The following AATF variants were observed in gnomAD, a reference collection of about 807,000 sequenced individuals.
AATF encodes the protein apoptosis antagonizing transcription factor.
AATF carries 48 observed loss-of-function variants against 63.7 expected under a neutral mutation model. The ratio of observed to expected loss-of-function variants is 0.75; its 90% CI spans 0.60 to 0.96. AATF has a LOEUF of 0.96. AATF is among the 40% of genes least tolerant of loss of function. The probability of loss-of-function intolerance (pLI) is 0.00; values close to 1 mark genes in which losing one functional copy is unlikely to be tolerated. For synonymous variants in AATF, 258 were observed against 247.7 expected (o/e 1.04, Z -0.39); for missense variants, 639 against 685.7 (o/e 0.93, Z 0.76).
At position 36,987,869 on chromosome 17, in the gene AATF, T is replaced by C. The variant is rs73284000; in HGVS notation, c.948-650T>C. Among the ~76,000 whole-genome samples, 220 of 152,348 alleles carry C rather than the reference T, an allele frequency of 1.4e-3. 1 individual carries two copies. Among genetic ancestry groups the C allele is most frequent in the African/African-American group, 5.1e-3 (214 of 41,586 alleles). ...GAGGATTAAGGTCGTAGAAATATGG[T>C]TATGTGTTTAATTTTTAAATACTGT... On this transcript the variant is annotated intron_variant, in intron 5 of 11. Transcript: ENST00000619387.
Position 36,950,475 on chromosome 17 carries a change from C to A in AATF, c.283+70C>A, listed in dbSNP as rs569868158. ...TTCAGGGTTAAAATCCTCCGGTCAT[C>A]CCCCATGATCTTTGCAAGAGTAGTC... On this transcript the variant is annotated intron_variant, in intron 2 of 11. Coordinates refer to ENST00000619387, the MANE Select transcript of AATF (RefSeq NM_012138.4). 5 of 1,421,174 alleles carry A rather than the reference C, an allele frequency of 3.5e-6. No individual in the cohort carries two copies. In the African/African-American group the frequency reaches 5.7e-5, roughly 16 times the overall value. The allele number at this position is 1,421,174 out of a possible 1,614,324, so 88.0% of individuals were successfully genotyped here.
chr17:36,986,648 A>G lies in AATF; in HGVS notation c.864A>G (p.Ser288=). 6 of 1,614,176 alleles carry G rather than the reference A, an allele frequency of 3.7e-6. No homozygotes were observed. Among genetic ancestry groups the G allele is most frequent in the Non-Finnish European group, 5.1e-6 (6 of 1,180,016 alleles). ...SHKALKALLR[S]LVGLQEELLF... Reference sequence around the variant, plus strand: ...AGGCACTTAAAGCATTGTTGAGGTCATTGGTAGGTCTTCAGGAAGAGTTGC... The same window carrying G: ...AGGCACTTAAAGCATTGTTGAGGTCGTTGGTAGGTCTTCAGGAAGAGTTGC... The change falls in exon 5 of 12, where the codon TCA becomes TCG. Residue 288 remains serine (S), a synonymous_variant. Coordinates refer to ENST00000619387, the MANE Select transcript of AATF (RefSeq NM_012138.4).
rs1303855554 is a variant in AATF at position 36,989,336 on chromosome 17, G to A, written c.1239G>A (p.Lys413=). ...GATTACTTCGAAGGACACAGACCAA[G>A]CGCTCTGTCTATCGAGTTCTTGGCA... The part of the protein sequence containing the change: ...KERLLRRTQT[K]RSVYRVLGKP... Residue 413 remains lysine, a synonymous_variant, in exon 7 of 12, where the codon AAG becomes AAA. Transcript: ENST00000619387. 1 of 1,614,028 alleles carries A rather than the reference G, an allele frequency of 6.2e-7. No homozygotes were observed. The highest frequency in any genetic ancestry group is 8.5e-7 in the Non-Finnish European group (1 of 1,180,018).
At chr17:37,044,684 A>G (rs1160352567) in intron 11 of AATF, among the ~76,000 whole-genome samples, 1 of 152,118 alleles carries the variant, frequency 6.6e-6, no homozygotes, top group African/African-American at 2.4e-5. Flanking sequence ...TTGCGTCCAG[A>G]GGAATTTCGT....
intron 11 of AATF, chr17:37,055,451 G>T (rs2071790182): frequency 6.6e-6 from 1 of 152,174 alleles, no homozygotes; most frequent in Admixed American, 6.5e-5. Flanking sequence ...AGTTTTTTGT[G>T]TTGAAGCCTT....
chr17:37,002,671 CAA>C (rs1216059829), intron 8 of AATF, among the ~76,000 whole-genome samples: 3 of 122,196 alleles, frequency 2.5e-5, no homozygotes, highest in African/African-American at 3.0e-5. Flanking sequence ...GACTCCATCT[CAA>C]AAAAAAAAAA....
chr17:37,050,977 G>A (rs1439391519), intron 11 of AATF, among the ~76,000 whole-genome samples: 1 of 152,202 alleles, frequency 6.6e-6, no homozygotes, highest in Non-Finnish European at 1.5e-5. Flanking sequence ...GTCTCACTGT[G>A]TTGCTCAGGC....
intron 11 of AATF, chr17:37,055,419 G>A (rs934183996): frequency 6.6e-5 from 10 of 151,882 alleles, no homozygotes; most frequent in Non-Finnish European, 1.3e-4. Flanking sequence ...CTATAGTAGG[G>A]TGACTTCAAA....
At chr17:37,043,380 T>A (rs1049367276) in intron 11 of AATF, 2 of 152,270 alleles carry the variant, frequency 1.3e-5, no homozygotes, top group African/African-American at 4.8e-5. Context: ...TGTTGTTTCC[T>A]GTTGAAATAT....
chr17:37,023,492 T>G (rs531671530), intron 10 of AATF, among the ~76,000 whole-genome samples: 1 of 151,408 alleles, frequency 6.6e-6, no homozygotes, highest in Non-Finnish European at 1.5e-5. Context: ...TAAAATCTTA[T>G]TCTTTTTAAA....
intron 10 of AATF, chr17:37,031,261 G>A (rs972518): frequency 0.24 from 57,702 of 244,826 alleles, 10,043 homozygotes; most frequent in African/African-American, 0.56. Context: ...AACTATTTAC[G>A]TAGCATTTAC....
intron 11 of AATF, chr17:37,056,364 C>T (rs2071797804): frequency 9.7e-6 from 5 of 514,120 alleles, no homozygotes; most frequent in Non-Finnish European, 1.7e-5. Context: ...ACTTACAGAA[C>T]ACTCATTCCC....
At chr17:37,044,835 C>T (rs530388329) in intron 11 of AATF, among the ~76,000 whole-genome samples, 1 of 152,222 alleles carries the variant, frequency 6.6e-6, no homozygotes, top group East Asian at 1.9e-4. Context: ...TTTTAGATTT[C>T]GGAGCATTTC....
chr17:37,042,419 T>C (rs973766451), intron 11 of AATF, among the ~76,000 whole-genome samples: 2 of 151,882 alleles, frequency 1.3e-5, no homozygotes, highest in African/African-American at 4.8e-5. Context: ...TTTGTTTTTT[T>C]CTTTTTTTAA....
Position 37,056,768 on chromosome 17 carries a change from C to A in AATF, c.*104C>A. 1 of 1,292,258 alleles carries A rather than the reference C, an allele frequency of 7.7e-7. No homozygotes were observed. The highest frequency in any genetic ancestry group is 1.1e-6 in the Non-Finnish European group (1 of 912,120). The allele number at this position is 1,292,258 out of a possible 1,614,324, so 80.0% of individuals were successfully genotyped here. ...TGGGGCTGAGCTAGTAGGGAAGCCC[C>A]TGGAAAGATGCTGCGTTCCGAACCT... On this transcript the variant is annotated 3_prime_UTR_variant, in exon 12 of 12. Transcript: ENST00000619387.
chr17:36,980,957 G>C (rs2142237247), intron 4 of AATF, among the ~76,000 whole-genome samples: 1 of 148,890 alleles, frequency 6.7e-6, no homozygotes, highest in African/African-American at 2.5e-5. Context: ...ATCTCTGGTA[G>C]GTCTCTTGAC....
chr17:36,953,264 T>G lies in AATF; in HGVS notation c.662T>G (p.Val221Gly), dbSNP rs761744080. The G allele has an allele frequency of 6.2e-7, 1 of 1,613,998 alleles. No individual in the cohort carries two copies. The highest frequency in any genetic ancestry group is 8.5e-7 in the Non-Finnish European group (1 of 1,179,870). The stretch of plus-strand genomic sequence containing the variant: ...TCTAGTGTCAAAGTTTCTGAGGAAG[T>G]GGAGAAAGGAAGAGCCGTGAAGAAC... ...TFSSVKVSEE[V>G]EKGRAVKNQI... Residue 221 changes from valine to glycine, a missense_variant, in exon 3 of 12, where the codon GTG becomes GGG. Val to Gly is a moderately radical substitution (Grantham distance 109). Coordinates refer to ENST00000619387, the MANE Select transcript of AATF (RefSeq NM_012138.4).
At chr17:37,054,237 A>G (rs1463871206) in intron 11 of AATF, among the ~76,000 whole-genome samples, 1 of 151,980 alleles carries the variant, frequency 6.6e-6, no homozygotes, top group Non-Finnish European at 1.5e-5. Flanking sequence ...GGCCCCAGGG[A>G]GGGTCTGCTT....
chr17:37,036,779 G>A (rs189864636), intron 11 of AATF, among the ~76,000 whole-genome samples: 1 of 152,228 alleles, frequency 6.6e-6, no homozygotes, highest in Admixed American at 6.5e-5. Context: ...TGCTGGTCTA[G>A]TAGATCTTAT....
Sources: gnomAD v4.1 joint callset for allele counts (sites outside exome capture counted in the v4.1 genomes callset) on GRCh38, gnomAD v4.1.1 for gene constraint, MANE v1.5 for transcripts, NCBI Gene and HGNC (gene_info 2026-07-23, HGNC 2026-07-21) for gene names.